LRRC7: variants seen among roughly 807,000 people sequenced by gnomAD.
The protein encoded by LRRC7 is leucine rich repeat containing 7, also known as leucine-rich repeat-containing protein 7.
Under a neutral mutation model 175.7 loss-of-function variants are expected in LRRC7, and 23 were observed. That is an observed-to-expected ratio of 0.13 (90% CI 0.09 to 0.19). The LOEUF is 0.19. Among genes scored for constraint, LRRC7 ranks in the 10% least tolerant of loss-of-function variants. The pLI, the probability that LRRC7 is intolerant of heterozygous loss-of-function variation, is 1.00. For synonymous variants in LRRC7, 685 were observed against 680.9 expected (o/e 1.01, Z -0.09); for missense variants, 1,354 against 1,904.7 (o/e 0.71, Z 5.38).
At chr1:69,574,265 T>A (rs75451076) in intron 1 of LRRC7, among the ~76,000 whole-genome samples, 1,671 of 152,194 alleles carry the variant, frequency 0.011, 34 homozygotes, top group African/African-American at 0.038. Context: ...ATTATCATCA[T>A]GAAATTTTCA....
chr1:69,588,761 A>G (rs2100946171), intron 1 of LRRC7, among the ~76,000 whole-genome samples: 1 of 152,312 alleles, frequency 6.6e-6, no homozygotes, highest in East Asian at 1.9e-4. Context: ...TTTAATTTAT[A>G]GTTTAGTAGG....
At chr1:69,885,319 T>A (rs946888807) in intron 7 of LRRC7, among the ~76,000 whole-genome samples, 1 of 145,766 alleles carries the variant, frequency 6.9e-6, no homozygotes, top group African/African-American at 2.6e-5. Context: ...ATTCAGAGAT[T>A]CAACTTCTTC....
chr1:70,039,008 A>G lies in LRRC7; in HGVS notation c.3184A>G (p.Thr1062Ala), dbSNP rs1371869512. The G allele has an allele frequency of 7.4e-6, 12 of 1,614,020 alleles. No individual in the cohort carries two copies. The highest frequency in any genetic ancestry group is 9.3e-6 in the Non-Finnish European group (11 of 1,179,974). Residue 1062 changes from threonine (T) to alanine (A), a missense_variant, in exon 21 of 27, where the codon ACA becomes GCA. By Grantham distance (58) the Thr-to-Ala change is moderately conservative. Coordinates refer to ENST00000651989, the MANE Select transcript of LRRC7 (RefSeq NM_001370785.2). Reference sequence around the variant, plus strand: ...GCCACAACAACAAAAAGCTTCTATGACAAAAAAAGTCTATCAGTTTGACCA... The same window carrying G: ...GCCACAACAACAAAAAGCTTCTATGGCAAAAAAAGTCTATCAGTTTGACCA... ...KGPQQQKASM[T>A]KKVYQFDQSF... is the part of the protein sequence containing the mutation.
At chr1:69,659,753 G>T (rs560476324) in intron 1 of LRRC7, among the ~76,000 whole-genome samples, 1 of 1,336 alleles carries the variant, frequency 7.5e-4, no homozygotes, top group African/African-American at 3.3e-3. Flanking sequence ...AAAGAAGGAA[G>T]ATAATCAAAA....
chr1:69,693,578 T>C (rs1662177287), intron 2 of LRRC7, among the ~76,000 whole-genome samples: 1 of 152,070 alleles, frequency 6.6e-6, no homozygotes, highest in Non-Finnish European at 1.5e-5. Context: ...ACTGAGTAGA[T>C]GAGACCCACT....
intron 4 of LRRC7, among the ~76,000 whole-genome samples, chr1:69,801,862 C>T (rs571181286): frequency 4.1e-4 from 62 of 150,080 alleles, no homozygotes; most frequent in Non-Finnish European, 6.9e-4. Context: ...CTATAAACTT[C>T]CCTCCCTCTT....
At chr1:69,879,599 G>T (rs1329086649) in intron 7 of LRRC7, 1 of 152,582 alleles carries the variant, frequency 6.6e-6, no homozygotes, top group East Asian at 1.9e-4. Flanking sequence ...ATCCAGGCGG[G>T]GTGGCACATG....
At chr1:69,916,139 T>C (rs1333342273) in intron 7 of LRRC7, among the ~76,000 whole-genome samples, 3 of 44,982 alleles carry the variant, frequency 6.7e-5, no homozygotes, top group African/African-American at 2.7e-4. Flanking sequence ...TTTATATATA[T>C]AATATATATA....
chr1:70,055,700 A>G (rs1661097457), intron 23 of LRRC7, among the ~76,000 whole-genome samples: 1 of 152,164 alleles, frequency 6.6e-6, no homozygotes, highest in African/African-American at 2.4e-5. Context: ...GGGAAGTGCT[A>G]TATACCTTTA....
At chr1:69,779,571 A>G (rs1673242446) in intron 3 of LRRC7, among the ~76,000 whole-genome samples, 1 of 152,236 alleles carries the variant, frequency 6.6e-6, no homozygotes, top group South Asian at 2.1e-4. Flanking sequence ...AAACAGATAT[A>G]TTCCCTTCCT....
chr1:70,125,314 T>C lies in LRRC7; in HGVS notation c.*3427T>C, dbSNP rs1440982558. Among the ~76,000 whole-genome samples the C allele has an allele frequency of 2.0e-5, 3 of 152,238 alleles. No individual in the cohort carries two copies. Among genetic ancestry groups the C allele is most frequent in the African/African-American group, 2.4e-5 (1 of 41,470 alleles). On this transcript the variant is annotated 3_prime_UTR_variant, in exon 27 of 27. Transcript: ENST00000651989. ...CTTTTGTTCCAACCTAGTACATAGA[T>C]GTAAAACAATCTCAGTTGTTTCTGG...
chr1:69,890,408 G>T (rs1645799924), intron 7 of LRRC7, among the ~76,000 whole-genome samples: 1 of 152,156 alleles, frequency 6.6e-6, no homozygotes, highest in African/African-American at 2.4e-5. Context: ...CTCAACAGTA[G>T]TCTTAAAATA....
At chr1:69,755,956 C>A (rs757741221) in intron 2 of LRRC7, among the ~76,000 whole-genome samples, 6 of 151,666 alleles carry the variant, frequency 4.0e-5, no homozygotes, top group Non-Finnish European at 5.9e-5. Flanking sequence ...CAACCTTTAC[C>A]ATGAAAAATG....
intron 1 of LRRC7, among the ~76,000 whole-genome samples, chr1:69,674,039 G>A (rs938760456): frequency 2.6e-5 from 4 of 152,034 alleles, no homozygotes; most frequent in South Asian, 2.1e-4. Context: ...GCAGGGCCTC[G>A]CTCTATTGCC....
intron 1 of LRRC7, among the ~76,000 whole-genome samples, chr1:69,650,858 T>A (rs7515624): frequency 0.11 from 16,420 of 152,240 alleles, 947 homozygotes; most frequent in African/African-American, 0.14. Flanking sequence ...GGTTTGGCAC[T>A]GTCGATAGCT....
chr1:69,870,430 G>GA (rs1685408415), intron 7 of LRRC7, among the ~76,000 whole-genome samples: 1 of 151,964 alleles, frequency 6.6e-6, no homozygotes, highest in African/African-American at 2.4e-5. Flanking sequence ...ATAGAAGCAA[G>GA]AATTTTACCT....
intron 11 of LRRC7, among the ~76,000 whole-genome samples, chr1:70,000,405 G>C (rs367735015): frequency 6.6e-6 from 1 of 152,098 alleles, no homozygotes; most frequent in Non-Finnish European, 1.5e-5. Flanking sequence ...ATCATATAAC[G>C]TAGGTGTGTA....
chr1:69,644,870 A>G (rs1654775425), intron 1 of LRRC7, among the ~76,000 whole-genome samples: 1 of 152,126 alleles, frequency 6.6e-6, no homozygotes, highest in South Asian at 2.1e-4. Context: ...TAAAGGAGAA[A>G]AACCTTGTGA....
intron 7 of LRRC7, among the ~76,000 whole-genome samples, chr1:69,888,554 G>T (rs1332630345): frequency 6.6e-6 from 1 of 152,120 alleles, no homozygotes; most frequent in Non-Finnish European, 1.5e-5. Flanking sequence ...ACCTCAGATG[G>T]AAATGCAGAA....
Sources: gnomAD v4.1 joint callset for allele counts (sites outside exome capture counted in the v4.1 genomes callset) on GRCh38, gnomAD v4.1.1 for gene constraint, MANE v1.5 for transcripts, NCBI Gene and HGNC (gene_info 2026-07-23, HGNC 2026-07-21) for gene names.